HMGCLL1: variants seen among roughly 807,000 people sequenced by gnomAD.
HMGCLL1 encodes the protein 3-hydroxy-3-methylglutaryl-CoA lyase like 1, also known as 3-hydroxymethyl-3-methylglutaryl-CoA lyase, cytoplasmic.
In HMGCLL1, 36 loss-of-function variants were observed where a neutral mutation model predicts 39.1. The observed-to-expected ratio is 0.92, with a 90% confidence interval of 0.71 to 1.22. The LOEUF is 1.22. Among genes scored for constraint, HMGCLL1 ranks in the 50% most tolerant of loss-of-function variants. The probability of loss-of-function intolerance (pLI) is 0.00; values close to 1 mark genes in which losing one functional copy is unlikely to be tolerated. For synonymous variants in HMGCLL1, 149 were observed against 144.0 expected (o/e 1.03, Z -0.25); for missense variants, 451 against 416.5 (o/e 1.08, Z -0.72).
intron 7 of HMGCLL1, among the ~76,000 whole-genome samples, chr6:55,473,993 T>C (rs1287275503): frequency 2.0e-5 from 3 of 151,588 alleles, no homozygotes; most frequent in Non-Finnish European, 3.0e-5. Flanking sequence ...ATTTCATTTC[T>C]CTATAGATAC....
chr6:55,672,716 A>G, the HMGCLL1 span, among the ~76,000 whole-genome samples: 5 of 151,988 alleles, frequency 3.3e-5, no homozygotes, highest in African/African-American at 1.2e-4. Flanking sequence ...CTACTATTAT[A>G]TGTAATTGCA....
chr6:55,516,327 A>G (rs1366033469), intron 4 of HMGCLL1, among the ~76,000 whole-genome samples, 181 bp downstream of exon 4: 1 of 152,214 alleles, frequency 6.6e-6, no homozygotes, highest in Non-Finnish European at 1.5e-5. Context: ...AGAGCCAGGT[A>G]TATAGACCAC....
At chr6:55,665,796 A>G in the HMGCLL1 span, among the ~76,000 whole-genome samples, 148 of 151,886 alleles carry the variant, frequency 9.7e-4, no homozygotes, top group Middle Eastern at 6.8e-3. Context: ...AAAGTCCTCA[A>G]TACAGCCTGT....
intron 7 of HMGCLL1, among the ~76,000 whole-genome samples, chr6:55,484,856 G>A (rs1300644828): frequency 6.6e-6 from 1 of 151,952 alleles, no homozygotes; most frequent in African/African-American, 2.4e-5. Flanking sequence ...TCTCAACAGA[G>A]CAGTCAGAAT....
At chr6:55,570,585 C>T (rs1484750940) in intron 1 of HMGCLL1, among the ~76,000 whole-genome samples, 1 of 152,180 alleles carries the variant, frequency 6.6e-6, no homozygotes, top group Admixed American at 6.5e-5. Context: ...ACTTATTTCA[C>T]CATCATTCCC....
chr6:55,520,391 T>C (rs1767978906), intron 3 of HMGCLL1, among the ~76,000 whole-genome samples: 1 of 151,898 alleles, frequency 6.6e-6, no homozygotes, highest in South Asian at 2.1e-4. Context: ...ATACAGAAAG[T>C]AGAATCCAAA....
At chr6:55,597,645 T>G in the HMGCLL1 span, among the ~76,000 whole-genome samples, 1 of 152,064 alleles carries the variant, frequency 6.6e-6, no homozygotes, top group Non-Finnish European at 1.5e-5. Context: ...ATTTGAGGGA[T>G]GGTAGAAAGG....
chr6:55,471,917 A>T (rs1765065830), intron 7 of HMGCLL1, among the ~76,000 whole-genome samples: 1 of 151,696 alleles, frequency 6.6e-6, no homozygotes. Flanking sequence ...TAAAAATGTA[A>T]TCAAACAATA....
chr6:55,627,157 C>T, the HMGCLL1 span, among the ~76,000 whole-genome samples: 1 of 151,622 alleles, frequency 6.6e-6, no homozygotes, highest in Non-Finnish European at 1.5e-5. Flanking sequence ...CCAGCTATGA[C>T]CACGTGACCA....
intron 5 of HMGCLL1, among the ~76,000 whole-genome samples, chr6:55,505,097 C>T (rs1037436562): frequency 1.3e-5 from 2 of 151,628 alleles, no homozygotes; most frequent in South Asian, 4.1e-4. Context: ...TTTTAATAGT[C>T]TGTAAAAACA....
chr6:55,518,098 T>C (rs9464256), intron 3 of HMGCLL1, among the ~76,000 whole-genome samples: 103,876 of 152,014 alleles, frequency 0.68, 35,549 homozygotes, highest in Admixed American at 0.72. Flanking sequence ...TAGCTGTTTA[T>C]TGAGCCCCTA....
the HMGCLL1 span, among the ~76,000 whole-genome samples, chr6:55,633,715 G>T: frequency 6.6e-6 from 1 of 151,996 alleles, no homozygotes; most frequent in Admixed American, 6.6e-5. Flanking sequence ...AGGCTAAAAA[G>T]ATTAAAATTT....
chr6:55,657,392 G>T, the HMGCLL1 span, among the ~76,000 whole-genome samples: 1 of 152,094 alleles, frequency 6.6e-6, no homozygotes, highest in East Asian at 1.9e-4. Context: ...AAGGGGTCCA[G>T]TTTCAATCTT....
At chr6:55,487,608 C>G (rs532123713) in intron 7 of HMGCLL1, among the ~76,000 whole-genome samples, 1 of 152,072 alleles carries the variant, frequency 6.6e-6, no homozygotes, top group African/African-American at 2.4e-5. Flanking sequence ...CATCCATGTC[C>G]CTGCAAAGGA....
chr6:55,561,614 T>C (rs1480293402), intron 1 of HMGCLL1, among the ~76,000 whole-genome samples: 1 of 152,022 alleles, frequency 6.6e-6, no homozygotes, highest in Non-Finnish European at 1.5e-5. Flanking sequence ...AAACCATAGC[T>C]CTCACTTAAA....
the HMGCLL1 span, among the ~76,000 whole-genome samples, chr6:55,604,086 C>G: frequency 6.6e-5 from 10 of 152,150 alleles, no homozygotes; most frequent in Admixed American, 4.6e-4. Context: ...AATTTTCCTT[C>G]CCTTTTTTTT....
chr6:55,677,708 A>G, the HMGCLL1 span, among the ~76,000 whole-genome samples: 1 of 152,206 alleles, frequency 6.6e-6, no homozygotes, highest in Non-Finnish European at 1.5e-5. Context: ...TTGCTAAATA[A>G]CTTAATCCAG....
the HMGCLL1 span, among the ~76,000 whole-genome samples, chr6:55,585,914 TA>T: frequency 2.0e-5 from 3 of 152,180 alleles, no homozygotes; most frequent in African/African-American, 7.2e-5. Context: ...ATAACTAAAA[TA>T]AAAGAATGCA....
chr6:55,674,964 T>C, the HMGCLL1 span, among the ~76,000 whole-genome samples: 3 of 152,254 alleles, frequency 2.0e-5, no homozygotes, highest in Non-Finnish European at 4.4e-5. Flanking sequence ...ATGAGTTTAA[T>C]GTTTGAAAAT....
Sources: gnomAD v4.1 joint callset for allele counts (sites outside exome capture counted in the v4.1 genomes callset) on GRCh38, gnomAD v4.1.1 for gene constraint, MANE v1.5 for transcripts, NCBI Gene and HGNC (gene_info 2026-07-23, HGNC 2026-07-21) for gene names.